The following ZNF20 variants were observed in gnomAD, a reference collection of about 807,000 sequenced individuals.
ZNF20 encodes zinc finger protein 20.
Under a neutral mutation model 11.0 loss-of-function variants are expected in ZNF20, and 9 were observed. The observed-to-expected ratio is 0.82, with a 90% CI of 0.49 to 1.43. The LOEUF (loss-of-function observed/expected upper bound fraction) is 1.43, where lower values mean the gene tolerates loss of function less well. Ranked by LOEUF, ZNF20 falls within the 40% of genes most tolerant of loss-of-function variation. The probability of loss-of-function intolerance (pLI) is 0.00; values close to 1 mark genes in which losing one functional copy is unlikely to be tolerated. For missense variants in ZNF20, 528 were observed against 640.8 expected, an observed-to-expected ratio of 0.82 and a Z score of 1.90; for synonymous variants, 182 against 213.0, an observed-to-expected ratio of 0.85 and a Z score of 1.27.
At chr19:12,135,297 G>A (rs1398503337) in intron 3 of ZNF20, among the ~76,000 whole-genome samples, 1 of 151,968 alleles carries the variant, frequency 6.6e-6, no homozygotes, top group Non-Finnish European at 1.5e-5. Context: ...GTGCCACCAC[G>A]CCCAGCTAAT....
rs1976633786 is a variant in ZNF20, at chr19:12,132,236, C to T, written c.*351G>A. The T allele has an allele frequency of 4.6e-6, 1 of 219,110 alleles. No individual in the cohort carries two copies. Among genetic ancestry groups the T allele is most frequent in the African/African-American group, 2.3e-5 (1 of 43,154 alleles). 13.6% of individuals were successfully genotyped at this position (219,110 alleles called of 1,614,324 possible). A position where few individuals can be genotyped will look rare whatever the true frequency, so the allele number is the denominator to read the frequency against. Reference sequence around the variant, plus strand: ...GGGACATATCTGGAGACCTACAACTCTGAGGAACAGAGACAAGTGATTTGG... The same window carrying T: ...GGGACATATCTGGAGACCTACAACTTTGAGGAACAGAGACAAGTGATTTGG... On this transcript the variant is annotated 3_prime_UTR_variant, in exon 4 of 4. Transcript: ENST00000334213.
rs1976715640 is a variant in ZNF20, at chr19:12,136,611, C to T, written c.4-707G>A. The stretch of plus-strand genomic sequence containing the variant: ...CTGAGGCAGGAGAATCACTTGAACC[C>T]GGGAGGCAGAGATTGCGGTGAGCTG... On this transcript the variant is annotated intron_variant, in intron 1 of 3. Coordinates refer to ENST00000334213, the MANE Select transcript of ZNF20 (RefSeq NM_021143.4). Among the ~76,000 whole-genome samples, 5 of 152,014 alleles carry T rather than the reference C, an allele frequency of 3.3e-5. No homozygotes were observed. The South Asian group carries it at 1.0e-3, about 32-fold the overall frequency.
Position 12,133,951 on chromosome 19 carries a change from T to G in ZNF20, c.235A>C (p.Ser79Arg). Residue 79 changes from serine (S) to arginine (R), a missense_variant, in exon 4 of 4, where the codon AGT (serine) becomes CGT (arginine). Ser to Arg is a moderately radical substitution (Grantham distance 110). Coordinates refer to ENST00000334213, the MANE Select transcript of ZNF20 (RefSeq NM_021143.4). ...MREKLCESKE[S>R]HHCGESFNQI... ...TTGAAGCTTTCTCCACAGTGATGAC[T>G]TTCTTTACTTTCACAGAGTTTCTCT... The G allele has an allele frequency of 6.2e-7, 1 of 1,610,514 alleles. No individual in the cohort carries two copies. The highest frequency in any genetic ancestry group is 8.5e-7 in the Non-Finnish European group (1 of 1,178,256).
At chr19:12,136,659 C>T (rs1976716569) in intron 1 of ZNF20, among the ~76,000 whole-genome samples, 1 of 151,988 alleles carries the variant, frequency 6.6e-6, no homozygotes, top group Admixed American at 6.6e-5. Flanking sequence ...TGCACTCCAG[C>T]CTGGGCAACA....
rs2145596668 is a variant in ZNF20, at chr19:12,132,864, T to C, written c.1322A>G (p.His441Arg). The C allele has an allele frequency of 2.5e-6, 4 of 1,614,224 alleles. No individual in the cohort carries two copies. Among genetic ancestry groups the C allele is most frequent in the Non-Finnish European group, 3.4e-6 (4 of 1,180,024 alleles). Residue 441 changes from histidine (H) to arginine (R), a missense_variant, in exon 4 of 4, where the codon CAT becomes CGT. Coordinates refer to ENST00000334213, the MANE Select transcript of ZNF20 (RefSeq NM_021143.4). ...AFRYFSSLHI[H>R]ERTHTGDKPY... Reference sequence around the variant, plus strand: ...CTTATCTCCAGTGTGTGTCCTTTCATGTATATGCAAGGAAGAGAAATACCT... The same window carrying C: ...CTTATCTCCAGTGTGTGTCCTTTCACGTATATGCAAGGAAGAGAAATACCT...
In ZNF20 at chr19:12,133,415, A is replaced by C. The variant is rs1976657228; in HGVS notation, c.771T>G (p.Cys257Trp). 6.2e-7 allele frequency: 1 copy of C among 1,614,054 alleles called. No homozygotes were observed. The highest frequency in any genetic ancestry group is 8.5e-7 in the Non-Finnish European group (1 of 1,179,920). ...AACTGAATGCATTCCCACATTCTTT[A>C]CATTCATCGGCATTCACTCCTGTGT... is the stretch of plus-strand genomic sequence containing the variant. ...RTHTGVNADE[C>W]KECGNAFSFP... is the part of the protein sequence containing the mutation. Residue 257 changes from cysteine to tryptophan, a missense_variant, in exon 4 of 4, where the codon TGT becomes TGG. Cys to Trp is a radical substitution (Grantham distance 215, BLOSUM62 -2). Transcript: ENST00000334213.
chr19:12,137,813 C>T (rs79988126), intron 1 of ZNF20: 8,907 of 152,416 alleles, frequency 0.058, 427 homozygotes, highest in East Asian at 0.21. Flanking sequence ...TCACCTACAC[C>T]TTTCCCTTAA....
chr19:12,140,324 AC>A lies in ZNF20; in HGVS notation c.-143del, dbSNP rs1240013924. The A allele has an allele frequency of 1.9e-6, 2 of 1,068,956 alleles. No homozygotes were observed. The highest frequency in any genetic ancestry group is 2.0e-5 in the Admixed American group (1 of 50,440). 66.2% of individuals were successfully genotyped at this position (1,068,956 alleles called of 1,614,324 possible). On this transcript the variant is annotated 5_prime_UTR_variant, in exon 1 of 4. An upstream open reading frame in the 5' UTR loses its in-frame stop. Transcript: ENST00000334213. ...TAGGAAATCTGGTATCCCGACAACA[AC>A]CTGCATAGCAACAAAAGTAGAAGCT...
At chr19:12,137,916 A>G (rs1172645491) in intron 1 of ZNF20, among the ~76,000 whole-genome samples, 1 of 152,166 alleles carries the variant, frequency 6.6e-6, no homozygotes, top group South Asian at 2.1e-4. Flanking sequence ...GGGGTTGGCT[A>G]TCTAGATGAA....
Position 12,131,822 on chromosome 19 carries a change from T to G in ZNF20, c.*765A>C, listed in dbSNP as rs558494571. ...AGTATTTGTTGCCAAGAAACCGCAT[T>G]AGTGTTTTTAGTCAGGTATACTCAT... On this transcript the variant is annotated 3_prime_UTR_variant, in exon 4 of 4. Coordinates refer to ENST00000334213, the MANE Select transcript of ZNF20 (RefSeq NM_021143.4). 1.3e-5 allele frequency: 2 copies of G among 152,354 alleles called. No individual in the cohort carries two copies. The highest frequency in any genetic ancestry group is 4.1e-4 in the South Asian group (2 of 4,826). The allele number at this position is 152,354 out of a possible 1,614,324, so 9.4% of individuals were successfully genotyped here.
At chr19:12,135,116 T>G (rs1183364372) in intron 3 of ZNF20, among the ~76,000 whole-genome samples, 1 of 151,548 alleles carries the variant, frequency 6.6e-6, no homozygotes, top group African/African-American at 2.4e-5. Context: ...GGCTTATTTC[T>G]TTTGCTTCTT....
At position 12,131,663 on chromosome 19, in the gene ZNF20, A is replaced by C. The variant is rs1488866473; in HGVS notation, c.*924T>G. 1 of 152,300 alleles carries C rather than the reference A, an allele frequency of 6.6e-6. No homozygotes were observed. Among genetic ancestry groups the C allele is most frequent in the Non-Finnish European group, 1.5e-5 (1 of 68,048 alleles). 9.4% of individuals were successfully genotyped at this position (152,300 alleles called of 1,614,324 possible). A position where few individuals can be genotyped will look rare whatever the true frequency, so the allele number is the denominator to read the frequency against. ...CACAGTGACCACCGGATAACATGGT[A>C]ACATTATCAACTTGATCTAATACAT... is the stretch of plus-strand genomic sequence containing the variant. On this transcript the variant is annotated 3_prime_UTR_variant, in exon 4 of 4. Transcript: ENST00000334213.
rs1342989693 is a variant in ZNF20, at chr19:12,132,124, TAAC to T, written c.*460_*462del. On this transcript the variant is annotated 3_prime_UTR_variant, in exon 4 of 4. Coordinates refer to ENST00000334213, the MANE Select transcript of ZNF20 (RefSeq NM_021143.4). ...GGGCATCAGTGAGTATTTCCAGCCA[TAAC>T]AACATTTATTAGTTCTCTGGTAAAC... 6.3e-6 allele frequency: 1 copy of T among 157,558 alleles called. No homozygotes were observed. Among genetic ancestry groups the T allele is most frequent in the African/African-American group, 2.4e-5 (1 of 41,492 alleles). 9.8% of individuals were successfully genotyped at this position (157,558 alleles called of 1,614,324 possible). A position where few individuals can be genotyped will look rare whatever the true frequency, so the allele number is the denominator to read the frequency against.
chr19:12,134,651 A>G (rs1364808514), intron 3 of ZNF20, among the ~76,000 whole-genome samples: 1 of 152,178 alleles, frequency 6.6e-6, no homozygotes, highest in Non-Finnish European at 1.5e-5. Context: ...CTCAAAAAAG[A>G]AGAAAAAAAC....
Position 12,135,899 on chromosome 19 carries a change from A to C in ZNF20, c.9T>G (p.Phe3Leu), listed in dbSNP as rs767555382. 3 of 1,613,968 alleles carry C rather than the reference A, an allele frequency of 1.9e-6. No individual in the cohort carries two copies. Among genetic ancestry groups the C allele is most frequent in the Non-Finnish European group, 8.5e-7 (1 of 1,179,986 alleles). The change falls in exon 2 of 4, where the codon TTT becomes TTG. Residue 3 changes from phenylalanine to leucine, a missense_variant. Physicochemically the swap from Phe to Leu is conservative, Grantham distance 22. Transcript: ENST00000334213. ...CATCCTCAAAGGCCACTGAATCCTG[A>C]AACATCTCACATATATAAAAGAGGA... MMFQDSVAFEDVA... is the reference protein window; with the variant it reads MMLQDSVAFEDVA...
chr19:12,140,119 G>C, intron 1 of ZNF20, 61 bp downstream of exon 1: 1 of 1,566,362 alleles, frequency 6.4e-7, no homozygotes, highest in Non-Finnish European at 8.7e-7. Context: ...CACCACAGCC[G>C]CTTCCGGCCG....
chr19:12,133,375 G>A lies in ZNF20; in HGVS notation c.811C>T (p.Arg271Cys), dbSNP rs541865362. 6.2e-6 allele frequency: 10 copies of A among 1,614,150 alleles called. No homozygotes were observed. The highest frequency in any genetic ancestry group is 1.7e-5 in the Admixed American group (1 of 60,016). The part of the protein sequence containing the change: ...GNAFSFPSEI[R>C]RHKRSHTGEK... ...CCAGTGTGAGACCTTTTATGTCTACGAATTTCACTAGGAAAACTGAATGCA... is the reference window on the plus strand; with the variant it reads ...CCAGTGTGAGACCTTTTATGTCTACAAATTTCACTAGGAAAACTGAATGCA... The change falls in exon 4 of 4, where the codon CGT (arginine) becomes TGT (cysteine). Residue 271 changes from arginine (R) to cysteine (C), a missense_variant. Physicochemically the swap from Arg to Cys is radical, Grantham distance 180. Transcript: ENST00000334213.
chr19:12,137,004 C>T (rs1210599506), intron 1 of ZNF20: 1 of 310,038 alleles, frequency 3.2e-6, no homozygotes. Flanking sequence ...TTTCTTATAA[C>T]AGAAGAAACC....
intron 1 of ZNF20, chr19:12,137,608 A>C (rs953079422): frequency 6.6e-6 from 1 of 152,380 alleles, no homozygotes; most frequent in Non-Finnish European, 1.5e-5. Flanking sequence ...ATTGCCCTGG[A>C]CCCCAAGAAA....
Sources: gnomAD v4.1 joint callset for allele counts (sites outside exome capture counted in the v4.1 genomes callset) on GRCh38, gnomAD v4.1.1 for gene constraint, MANE v1.5 for transcripts, NCBI Gene and HGNC (gene_info 2026-07-23, HGNC 2026-07-21) for gene names.